SHROOM2: variants seen among roughly 807,000 people sequenced by gnomAD.
The protein encoded by SHROOM2 is protein Shroom2.
Under a neutral mutation model 75.9 loss-of-function variants are expected in SHROOM2, and 33 were observed. That is an observed-to-expected ratio of 0.43 (90% CI 0.33 to 0.58). The LOEUF is 0.58. SHROOM2 is among the 20% of genes least tolerant of loss of function. The probability of loss-of-function intolerance (pLI) is 0.04; values close to 1 mark genes in which losing one functional copy is unlikely to be tolerated. For synonymous variants in SHROOM2, 655 were observed against 663.6 expected, an observed-to-expected ratio of 0.99 and a Z score of 0.20; for missense variants, 1,434 against 1,461.2, an observed-to-expected ratio of 0.98 and a Z score of 0.30.
intron 1 of SHROOM2, among the ~76,000 whole-genome samples, chrX:9,831,735 G>A (rs531874635): frequency 3.6e-5 from 4 of 111,952 alleles, no homozygotes; most frequent in East Asian, 2.8e-4. Flanking sequence ...AGATCGAGGC[G>A]TGGCAGATTC....
intron 1 of SHROOM2, among the ~76,000 whole-genome samples, chrX:9,857,125 C>T (rs1009468852): frequency 2.7e-5 from 3 of 112,482 alleles, no homozygotes; most frequent in Non-Finnish European, 3.8e-5. Flanking sequence ...AAAGAGGACA[C>T]GAAGGTGACA....
intron 2 of SHROOM2, among the ~76,000 whole-genome samples, chrX:9,879,822 A>G (rs942416035): frequency 1.8e-5 from 2 of 112,160 alleles, no homozygotes; most frequent in African/African-American, 6.5e-5. Context: ...CACACTGTAC[A>G]GGTTAAGTTT....
chrX:9,845,700 C>T (rs755405057), intron 1 of SHROOM2, among the ~76,000 whole-genome samples: 1 of 110,470 alleles, frequency 9.1e-6, no homozygotes, highest in African/African-American at 3.3e-5. Flanking sequence ...TCCGTCTCTG[C>T]TCCTCTCTGG....
intron 5 of SHROOM2, among the ~76,000 whole-genome samples, chrX:9,899,915 C>G (rs947365751): frequency 1.2e-4 from 13 of 112,022 alleles, no homozygotes; most frequent in Non-Finnish European, 2.3e-4. Context: ...CTTGCTTTGC[C>G]CGATGCCACC....
At chrX:9,938,429 T>C (rs1423874506) in intron 7 of SHROOM2, among the ~76,000 whole-genome samples, 3 of 110,435 alleles carry the variant, frequency 2.7e-5, no homozygotes, top group Non-Finnish European at 3.8e-5. Context: ...GGTAGACACC[T>C]GTAGTCCCAG....
chrX:9,942,368 C>G (rs1222752104), intron 8 of SHROOM2, among the ~76,000 whole-genome samples: 2 of 111,348 alleles, frequency 1.8e-5, no homozygotes, highest in Non-Finnish European at 3.8e-5. Context: ...TGATTCAGTT[C>G]AGATGTGACA....
intron 5 of SHROOM2, among the ~76,000 whole-genome samples, chrX:9,926,132 G>A (rs943885518): frequency 8.9e-6 from 1 of 111,739 alleles, no homozygotes; most frequent in African/African-American, 3.3e-5. Flanking sequence ...TCTGCTGCTA[G>A]CTCACCGCCA....
At chrX:9,812,279 C>G (rs2083795663) in intron 1 of SHROOM2, among the ~76,000 whole-genome samples, 1 of 111,784 alleles carries the variant, frequency 8.9e-6, no homozygotes, top group South Asian at 3.7e-4. Context: ...ATCATACGGC[C>G]CAAGTGGCAG....
At chrX:9,913,385 C>G (rs193213886) in intron 5 of SHROOM2, among the ~76,000 whole-genome samples, 2 of 112,359 alleles carry the variant, frequency 1.8e-5, no homozygotes, top group South Asian at 7.3e-4. Context: ...TTAGCATTTT[C>G]CAGTTCTTTT....
chrX:9,914,996 G>C (rs2084476116), intron 5 of SHROOM2, among the ~76,000 whole-genome samples: 1 of 112,180 alleles, frequency 8.9e-6, no homozygotes, highest in East Asian at 2.8e-4. Context: ...GTGAAGTACA[G>C]AAACCCGTTA....
chrX:9,874,411 A>T (rs905059294), intron 2 of SHROOM2, among the ~76,000 whole-genome samples: 1 of 112,157 alleles, frequency 8.9e-6, no homozygotes, highest in African/African-American at 3.2e-5. Flanking sequence ...TTTCAAAGAG[A>T]AATAACTCTC....
chrX:9,864,942 G>A (rs189817689), intron 1 of SHROOM2, among the ~76,000 whole-genome samples: 5,130 of 112,318 alleles, frequency 0.046, 272 homozygotes, highest in African/African-American at 0.14. Flanking sequence ...GAGCCTGGGA[G>A]TTCGAGGCTG....
rs192929522 is a variant in SHROOM2 at position 9,816,983 on chromosome X, T to C, written c.165+30273T>C. Among the ~76,000 whole-genome samples, 104 of 111,340 alleles carry C rather than the reference T, an allele frequency of 9.3e-4. 1 individual carries two copies. The highest frequency in any genetic ancestry group is 1.6e-3 in the Admixed American group (17 of 10,415). On this transcript the variant is annotated intron_variant, in intron 1 of 9. Coordinates refer to ENST00000380913, the MANE Select transcript of SHROOM2 (RefSeq NM_001649.4). ...CTGTTGAATATTTTTCTTTTTCTTT[T>C]TTTTAAGAGACGTTGTCCTGCTCTG...
chrX:9,894,976 G>A lies in SHROOM2; in HGVS notation c.1068G>A (p.Gln356=). 2.5e-6 allele frequency: 3 copies of A among 1,210,563 alleles called. No individual in the cohort carries two copies. Among genetic ancestry groups the A allele is most frequent in the East Asian group, 3.0e-5 (1 of 33,787 alleles). Residue 356 remains glutamine (Q), a synonymous_variant, in exon 4 of 10, where the codon CAG becomes CAA. Transcript: ENST00000380913. The part of the protein sequence containing the change: ...AQHFTALAQA[Q]PRGDRRPELT... ...ACTTTACGGCCCTGGCCCAGGCTCA[G>A]CCTCGTGGTGACCGGAGACCAGAGC...
At chrX:9,826,335 CTGAAT>C (rs2083887484) in intron 1 of SHROOM2, among the ~76,000 whole-genome samples, 2 of 112,384 alleles carry the variant, frequency 1.8e-5, no homozygotes, top group African/African-American at 3.2e-5. Context: ...TGGGAGACTT[CTGAAT>C]ATTAGAAGTT....
chrX:9,934,909 A>G (rs1166419452), intron 6 of SHROOM2, among the ~76,000 whole-genome samples: 1 of 110,651 alleles, frequency 9.0e-6, no homozygotes, highest in Admixed American at 9.7e-5. Flanking sequence ...AGTAGCTGGG[A>G]TTACAGGCAC....
chrX:9,932,416 G>A lies in SHROOM2; in HGVS notation c.3133G>A (p.Gly1045Arg). The change falls in exon 6 of 10, where the codon GGA becomes AGA. Residue 1045 changes from glycine (G) to arginine (R), a missense_variant. Physicochemically the swap from Gly to Arg is moderately radical, Grantham distance 125 (BLOSUM62 -2). This residue lies in a region of SHROOM2 where 1,340 missense variants were observed against 1,338.3 expected (regional missense o/e 1.00). Coordinates refer to ENST00000380913, the MANE Select transcript of SHROOM2 (RefSeq NM_001649.4). ...CCCTGGCTCACCCCTGCATGCTCGA[G>A]GACAAGACTCGTGGCCAGTGAGCTC... ...QSPGSPLHAR[G>R]QDSWPVSSAL... The A allele has an allele frequency of 8.3e-7, 1 of 1,208,975 alleles. No individual in the cohort carries two copies. Among genetic ancestry groups the A allele is most frequent in the East Asian group, 3.0e-5 (1 of 33,723 alleles).
chrX:9,807,590 A>G (rs978264399), intron 1 of SHROOM2, among the ~76,000 whole-genome samples: 3 of 112,456 alleles, frequency 2.7e-5, no homozygotes, highest in African/African-American at 9.7e-5. Context: ...ATAAAACCCG[A>G]GTTCAGGACT....
chrX:9,808,380 C>CAA (rs766274874), intron 1 of SHROOM2, among the ~76,000 whole-genome samples: 1,886 of 72,452 alleles, frequency 0.026, 26 homozygotes, highest in Admixed American at 0.07. Flanking sequence ...TCTGTCTCTA[C>CAA]AAAAAAAAAA....
Sources: allele counts gnomAD v4.1 joint callset (sites outside exome capture counted in the v4.1 genomes callset), GRCh38; gene constraint gnomAD v4.1.1; regional missense constraint gnomAD v4.1.1; transcripts MANE v1.5; gene names NCBI Gene and HGNC (gene_info 2026-07-23, HGNC 2026-07-21).